The following LRGUK variants were observed in gnomAD, a reference collection of about 807,000 sequenced individuals.
The protein encoded by LRGUK is leucine-rich repeat and guanylate kinase domain-containing protein.
In LRGUK, 65 loss-of-function variants were observed where a neutral mutation model predicts 76.0. The observed-to-expected ratio is 0.85, with a 90% CI of 0.70 to 1.05. The LOEUF is 1.05. Among genes scored for constraint, LRGUK ranks in the 50% least tolerant of loss-of-function variants. The pLI is 0.00. For synonymous variants in LRGUK, 268 were observed against 265.6 expected, an observed-to-expected ratio of 1.01 and a Z score of -0.09; for missense variants, 758 against 732.8, an observed-to-expected ratio of 1.03 and a Z score of -0.40.
intron 16 of LRGUK, among the ~76,000 whole-genome samples, chr7:134,232,727 T>A (rs1801931518): frequency 6.6e-6 from 1 of 152,188 alleles, no homozygotes; most frequent in Non-Finnish European, 1.5e-5. Flanking sequence ...GCTACTCCAA[T>A]CATTTATAAA....
the LRGUK span, among the ~76,000 whole-genome samples, chr7:134,272,285 T>A: frequency 6.6e-6 from 1 of 152,188 alleles, no homozygotes; most frequent in Admixed American, 6.5e-5. Flanking sequence ...TTCAATCATA[T>A]TCATTGTATT....
At chr7:134,251,683 T>G (rs1802450492) in intron 18 of LRGUK, among the ~76,000 whole-genome samples, 1 of 152,174 alleles carries the variant, frequency 6.6e-6, no homozygotes, top group Non-Finnish European at 1.5e-5. Context: ...CACTATATCT[T>G]TATCACTTTG....
rs1174176771 is a variant in LRGUK at position 134,177,025 on chromosome 7, A to G, written c.1069A>G (p.Thr357Ala). ...CGTAATTTTTATGCTTCTGCGATTAACAGAATTAGATCAGAAGAAGATTAA... is the reference window on the plus strand; with the variant it reads ...CGTAATTTTTATGCTTCTGCGATTAGCAGAATTAGATCAGAAGAAGATTAA... The change falls in exon 9 of 16, where the codon ACA becomes GCA. Residue 357 changes from threonine (T) to alanine (A), a missense_variant. Thr to Ala is a moderately conservative substitution (Grantham distance 58). Coordinates refer to ENST00000645682, the Ensembl canonical transcript of LRGUK. 5.0e-6 allele frequency: 8 copies of G among 1,602,400 alleles called. No homozygotes were observed. In the Admixed American group the frequency reaches 1.3e-4, roughly 27 times the overall value.
At chr7:134,167,049 G>T (rs1383686354) in intron 7 of LRGUK, among the ~76,000 whole-genome samples, 1 of 152,200 alleles carries the variant, frequency 6.6e-6, no homozygotes, top group Non-Finnish European at 1.5e-5. Context: ...CAACATTGAT[G>T]CAGAGGCATG....
chr7:134,180,206 A>G (rs558399369), intron 10 of LRGUK, among the ~76,000 whole-genome samples: 186 of 152,274 alleles, frequency 1.2e-3, no homozygotes, highest in African/African-American at 4.2e-3. Context: ...GGGTTAAGAT[A>G]CTCATTGCTA....
Position 134,247,554 on chromosome 7 carries a change from A to G in LRGUK, c.1984-2A>G. The G allele has an allele frequency of 1.9e-6, 3 of 1,608,922 alleles. No homozygotes were observed. Among genetic ancestry groups the G allele is most frequent in the Non-Finnish European group, 2.6e-6 (3 of 1,176,372 alleles). ...AATTTTCTAATGACATTTCTTACCTAGGAAAGAGATTCTATACACAGACAG... is the reference window on the plus strand; with the variant it reads ...AATTTTCTAATGACATTTCTTACCTGGGAAAGAGATTCTATACACAGACAG... On this transcript the variant is annotated splice_acceptor_variant, in intron 16 of 19. Coordinates refer to the LRGUK transcript ENST00000285928. LOFTEE classifies it high-confidence loss of function.
At chr7:134,262,911 C>T (rs1367946858) in intron 19 of LRGUK, among the ~76,000 whole-genome samples, 1 of 137,108 alleles carries the variant, frequency 7.3e-6, no homozygotes, top group Non-Finnish European at 1.5e-5. Flanking sequence ...GTGGAGGTTG[C>T]AGTGAGCTGA....
intron 15 of LRGUK, among the ~76,000 whole-genome samples, chr7:134,205,871 A>G (rs1379185446): frequency 6.6e-6 from 1 of 152,236 alleles, no homozygotes; most frequent in East Asian, 1.9e-4. Context: ...TCTTATGACC[A>G]ACAGCATTGT....
intron 11 of LRGUK, among the ~76,000 whole-genome samples, chr7:134,185,677 G>C (rs1026401131): frequency 6.6e-6 from 1 of 152,108 alleles, no homozygotes; most frequent in Non-Finnish European, 1.5e-5. Context: ...AGCTGAGGAT[G>C]TGGCTACAAA....
intron 16 of LRGUK, among the ~76,000 whole-genome samples, chr7:134,227,278 T>C (rs1204650816): frequency 6.6e-6 from 1 of 152,130 alleles, no homozygotes. Context: ...GAAGTAAACT[T>C]AGCGAACGAT....
intron 1 of LRGUK, among the ~76,000 whole-genome samples, chr7:134,129,419 A>T (rs1280284642): frequency 5.8e-3 from 9 of 1,552 alleles, no homozygotes; most frequent in Non-Finnish European, 7.7e-3. Context: ...TCCCCTCCCC[A>T]CCCCTCCCTC....
At chr7:134,236,638 G>A (rs1802023547) in intron 16 of LRGUK, among the ~76,000 whole-genome samples, 1 of 152,200 alleles carries the variant, frequency 6.6e-6, no homozygotes, top group Admixed American at 6.5e-5. Flanking sequence ...TTAAAAGGTA[G>A]ATAACATCTG....
chr7:134,187,932 A>G (rs969268697), intron 11 of LRGUK, among the ~76,000 whole-genome samples: 3 of 152,218 alleles, frequency 2.0e-5, no homozygotes, highest in Non-Finnish European at 4.4e-5. Context: ...TAGCATTATA[A>G]TAGAGTAAAA....
At position 134,183,814 on chromosome 7, in the gene LRGUK, A is replaced by AT. The variant is rs1563167770; in HGVS notation, c.1296dup (p.Arg433SerfsTer7). On this transcript the variant is annotated frameshift_variant, in exon 11 of 16. Transcript: ENST00000645682. LOFTEE classifies it high-confidence loss of function. ...GCTTGTGGGAAACGAGAGCTTGCCC[A>AT]TCGCCTCTGCAGACAGTTTAGCACT... The AT allele has an allele frequency of 6.2e-7, 1 of 1,614,150 alleles. No homozygotes were observed. Among genetic ancestry groups the AT allele is most frequent in the Non-Finnish European group, 8.5e-7 (1 of 1,179,982 alleles).
intron 15 of LRGUK, among the ~76,000 whole-genome samples, chr7:134,217,248 A>G (rs1585569740): frequency 6.7e-6 from 1 of 149,162 alleles, no homozygotes; most frequent in African/African-American, 2.5e-5. Flanking sequence ...CCATTAGTTC[A>G]CCTCCACTGA....
chr7:134,140,946 T>C (rs1231710050), intron 3 of LRGUK, among the ~76,000 whole-genome samples: 2 of 152,130 alleles, frequency 1.3e-5, no homozygotes, highest in Non-Finnish European at 2.9e-5. Context: ...TCTTAGATGG[T>C]CATCTCATCA....
intron 8 of LRGUK, among the ~76,000 whole-genome samples, chr7:134,176,443 G>T (rs757067016): frequency 1.3e-4 from 20 of 151,988 alleles, no homozygotes; most frequent in Non-Finnish European, 2.4e-4. Context: ...GCAGTGGCGC[G>T]ATCTCGGCTC....
At chr7:134,157,713 C>T (rs891961762) in intron 5 of LRGUK, among the ~76,000 whole-genome samples, 2 of 152,110 alleles carry the variant, frequency 1.3e-5, no homozygotes, top group East Asian at 3.9e-4. Flanking sequence ...TTAGTAGAGA[C>T]GGGGTTTCAC....
At chr7:134,272,502 C>T in the LRGUK span, among the ~76,000 whole-genome samples, 5 of 151,784 alleles carry the variant, frequency 3.3e-5, no homozygotes, top group East Asian at 3.9e-4. Context: ...AAGTAAATAC[C>T]ACACAAATAA....
Sources: allele counts gnomAD v4.1 joint callset (sites outside exome capture counted in the v4.1 genomes callset), GRCh38; gene constraint gnomAD v4.1.1; transcripts MANE v1.5; gene names NCBI Gene and HGNC (gene_info 2026-07-23, HGNC 2026-07-21).